The following FBN1 variants were observed in gnomAD, a reference collection of about 807,000 sequenced individuals.
FBN1 encodes the protein fibrillin-1.
Under a neutral mutation model 365.1 loss-of-function variants are expected in FBN1, and 29 were observed. The ratio of observed to expected loss-of-function variants is 0.08; its 90% CI spans 0.06 to 0.11. The LOEUF is 0.11. Ranked by LOEUF, FBN1 falls within the 10% of genes least tolerant of loss-of-function variation. FBN1 has a pLI of 1.00. For synonymous variants in FBN1, 1,210 were observed against 1,270.5 expected, an observed-to-expected ratio of 0.95 and a Z score of 1.01; for missense variants, 2,476 against 3,703.2, an observed-to-expected ratio of 0.67 and a Z score of 8.60.
At chr15:48,468,315 T>C in intron 37 of FBN1, 97 bp downstream of exon 37, 1 of 1,472,494 alleles carries the variant, frequency 6.8e-7, no homozygotes, top group Non-Finnish European at 9.5e-7. Context: ...AATTTCTGTA[T>C]CATTCATTTT....
At chr15:48,499,152 G>A in intron 17 of FBN1, 114 bp from the exon 18 acceptor site, 1 of 1,060,078 alleles carries the variant, frequency 9.4e-7, no homozygotes, top group South Asian at 1.3e-5. Context: ...AACTTAAGTG[G>A]TAACGGAAAA....
chr15:48,477,926 G>A (rs1211769913), intron 32 of FBN1, among the ~76,000 whole-genome samples: 4 of 152,192 alleles, frequency 2.6e-5, no homozygotes, highest in Non-Finnish European at 4.4e-5. Context: ...AGCAGACCCT[G>A]CTCACAGGCT....
intron 6 of FBN1, among the ~76,000 whole-genome samples, chr15:48,571,570 C>A (rs1276519208): frequency 6.6e-6 from 1 of 151,976 alleles, no homozygotes. Flanking sequence ...GATTTAAGAA[C>A]CTATTTCAAT....
At chr15:48,518,683 C>T (rs1218769119) in intron 10 of FBN1, among the ~76,000 whole-genome samples, 1 of 152,138 alleles carries the variant, frequency 6.6e-6, no homozygotes, top group Non-Finnish European at 1.5e-5. Context: ...CAACGTGGGG[C>T]TAATTTTGTT....
chr15:48,501,375 T>C (rs1386534167), intron 17 of FBN1, among the ~76,000 whole-genome samples: 2 of 152,316 alleles, frequency 1.3e-5, no homozygotes, highest in African/African-American at 4.8e-5. Flanking sequence ...GCATGCTCTG[T>C]TGCCCTTCCA....
chr15:48,625,347 G>A (rs1349739085), intron 2 of FBN1, among the ~76,000 whole-genome samples: 2 of 152,086 alleles, frequency 1.3e-5, no homozygotes, highest in Admixed American at 6.6e-5. Flanking sequence ...CACATTCCAC[G>A]GCAGGCAACC....
intron 6 of FBN1, among the ~76,000 whole-genome samples, chr15:48,556,272 T>C (rs2044179423): frequency 6.6e-6 from 1 of 152,104 alleles, no homozygotes. Flanking sequence ...TCAATTTCCA[T>C]CCACTCCCAG....
At chr15:48,587,576 T>C (rs946947136) in intron 6 of FBN1, among the ~76,000 whole-genome samples, 1 of 152,202 alleles carries the variant, frequency 6.6e-6, no homozygotes, top group African/African-American at 2.4e-5. Flanking sequence ...CCCAGGTCAA[T>C]ACAAGCCTCT....
chr15:48,506,168 A>G (rs1166702418), intron 15 of FBN1, among the ~76,000 whole-genome samples: 2 of 152,226 alleles, frequency 1.3e-5, no homozygotes, highest in Non-Finnish European at 2.9e-5. Flanking sequence ...GGTTGCAGTG[A>G]GCTGAGATTG....
At chr15:48,434,317 G>T (rs780170119) in intron 54 of FBN1, among the ~76,000 whole-genome samples, 1 of 152,090 alleles carries the variant, frequency 6.6e-6, no homozygotes, top group Non-Finnish European at 1.5e-5. Context: ...TAAACAACAC[G>T]GAAGCATCTA....
At chr15:48,488,551 C>G (rs1304519595) in intron 25 of FBN1, 58 bp from the exon 26 acceptor site, 1 of 1,586,364 alleles carries the variant, frequency 6.3e-7, no homozygotes, top group Non-Finnish European at 8.6e-7. Flanking sequence ...GTCAGGAGGT[C>G]TCAATGCCCA....
chr15:48,629,457 C>A (rs952216789), intron 2 of FBN1, among the ~76,000 whole-genome samples: 1 of 151,910 alleles, frequency 6.6e-6, no homozygotes, highest in Non-Finnish European at 1.5e-5. Context: ...TGCAAAAAAA[C>A]AAATAAAATT....
chr15:48,589,439 C>A (rs2044459850), intron 6 of FBN1, among the ~76,000 whole-genome samples: 1 of 151,946 alleles, frequency 6.6e-6, no homozygotes, highest in African/African-American at 2.4e-5. Flanking sequence ...TACAGTTACC[C>A]AGCCACAAAA....
At chr15:48,486,733 C>G (rs944723513) in intron 29 of FBN1, among the ~76,000 whole-genome samples, 1 of 152,144 alleles carries the variant, frequency 6.6e-6, no homozygotes, top group Non-Finnish European at 1.5e-5. Flanking sequence ...TGTTAATGTG[C>G]ATTGGTATGC....
intron 58 of FBN1, among the ~76,000 whole-genome samples, chr15:48,426,567 T>A (rs2042980871): frequency 6.6e-6 from 1 of 152,056 alleles, no homozygotes; most frequent in South Asian, 2.1e-4. Context: ...GTCTTCCACA[T>A]CTTGACCCAT....
intron 45 of FBN1, among the ~76,000 whole-genome samples, chr15:48,451,734 G>A (rs529096294): frequency 6.6e-6 from 1 of 152,268 alleles, no homozygotes; most frequent in South Asian, 2.1e-4. Flanking sequence ...TAAATATACA[G>A]TGATTTTTGC....
At chr15:48,412,801 G>A (rs1044305818) in intron 64 of FBN1, 58 bp from the exon 65 acceptor site, 9 of 1,595,870 alleles carry the variant, frequency 5.6e-6, no homozygotes, top group African/African-American at 5.4e-5. Flanking sequence ...AAGGTAGGTG[G>A]TACAAGAGTT....
At chr15:48,600,758 T>G (rs926638930) in intron 4 of FBN1, among the ~76,000 whole-genome samples, 1 of 152,236 alleles carries the variant, frequency 6.6e-6, no homozygotes, top group African/African-American at 2.4e-5. Context: ...TTCACTTTAA[T>G]AGTGCTAAAT....
At chr15:48,495,295 T>C (rs1597569057) in intron 21 of FBN1, 35 bp from the exon 22 acceptor site, 9 of 1,610,378 alleles carry the variant, frequency 5.6e-6, no homozygotes, top group Admixed American at 3.3e-5. Context: ...ATAGAATCTA[T>C]ATAAAAATTC....
Sources: gnomAD v4.1 joint callset for allele counts (sites outside exome capture counted in the v4.1 genomes callset) on GRCh38, gnomAD v4.1.1 for gene constraint, MANE v1.5 for transcripts, NCBI Gene and HGNC (gene_info 2026-07-23, HGNC 2026-07-21) for gene names.